Variants in PCSK6 observed in about 807,000 individuals in gnomAD.
The protein encoded by PCSK6 is proprotein convertase subtilisin/kexin type 6.
In PCSK6, 85 loss-of-function variants were observed where a neutral mutation model predicts 123.3. That is an observed-to-expected ratio of 0.69 (90% CI 0.58 to 0.83). PCSK6 has a LOEUF of 0.83. Among genes scored for constraint, PCSK6 ranks in the 40% least tolerant of loss-of-function variants. The pLI is 0.00. For synonymous variants in PCSK6, 508 were observed against 516.0 expected (o/e 0.98, Z 0.21); for missense variants, 1,191 against 1,282.3 (o/e 0.93, Z 1.09).
intron 7 of PCSK6, among the ~76,000 whole-genome samples, chr15:101,395,076 T>C (rs969209343): frequency 1.3e-5 from 2 of 152,208 alleles, no homozygotes; most frequent in African/African-American, 2.4e-5. Flanking sequence ...TCAAAAGGTA[T>C]TTAACCCATC....
At chr15:101,397,155 G>C (rs1016560812) in intron 7 of PCSK6, among the ~76,000 whole-genome samples, 1 of 152,102 alleles carries the variant, frequency 6.6e-6, no homozygotes, top group Non-Finnish European at 1.5e-5. Context: ...CAGGGCTAGG[G>C]GTCTCCTGAG....
chr15:101,429,112 CG>C (rs1327475830), intron 5 of PCSK6, among the ~76,000 whole-genome samples: 2 of 152,180 alleles, frequency 1.3e-5, no homozygotes, highest in African/African-American at 4.8e-5. Context: ...AGACTATAAT[CG>C]GGAGACGCCC....
At chr15:101,399,829 C>T (rs865942972) in intron 6 of PCSK6, among the ~76,000 whole-genome samples, 8 of 152,142 alleles carry the variant, frequency 5.3e-5, no homozygotes, top group African/African-American at 1.7e-4. Flanking sequence ...CACTCAGAGG[C>T]CCCCGGGAGC....
chr15:101,384,516 A>ACGT, intron 9 of PCSK6, 91 bp from the exon 10 acceptor site: 1 of 971,278 alleles, frequency 1.0e-6, no homozygotes, highest in South Asian at 1.6e-5. Context: ...CAGCCAACCC[A>ACGT]CGTCTGAACT....
chr15:101,353,766 G>T (rs12591632), intron 13 of PCSK6, among the ~76,000 whole-genome samples: 101,983 of 152,048 alleles, frequency 0.67, 34,312 homozygotes, highest in East Asian at 0.8. Flanking sequence ...TTGGAGAGGC[G>T]TGGAGACCTC....
intron 15 of PCSK6, 130 bp from the exon 16 acceptor site, chr15:101,326,609 G>A: frequency 1.2e-6 from 1 of 845,970 alleles, no homozygotes; most frequent in South Asian, 1.7e-5. Context: ...CGCTGGGGCT[G>A]GACGGCCAGA....
chr15:101,432,698 G>A (rs1226728027), intron 2 of PCSK6, among the ~76,000 whole-genome samples: 1 of 151,878 alleles, frequency 6.6e-6, no homozygotes, highest in Non-Finnish European at 1.5e-5. Context: ...AGGGAGAGAA[G>A]GAAGGAAGCC....
At position 101,489,518 on chromosome 15, in the gene PCSK6, C is replaced by G; in HGVS notation, c.153G>C (p.Trp51Cys). The change falls in exon 1 of 22, where the codon TGG becomes TGC. Residue 51 changes from tryptophan to cysteine, a missense_variant. Coordinates refer to ENST00000611716, the MANE Select transcript of PCSK6 (RefSeq NM_002570.5). ...FRPLAPRPWR[W>C]LLLLALPAAC... ...CGGCAGGCAGCGCCAGCAGCAGCAG[C>G]CAGCGCCAGGGACGCGGCGCGAGCG... The G allele has an allele frequency of 9.7e-7, 1 of 1,033,848 alleles. No homozygotes were observed. Among genetic ancestry groups the G allele is most frequent in the Non-Finnish European group, 1.2e-6 (1 of 863,676 alleles). The allele number at this position is 1,033,848 out of a possible 1,614,324, so 64.0% of individuals were successfully genotyped here.
intron 9 of PCSK6, among the ~76,000 whole-genome samples, chr15:101,386,744 A>C (rs1298863324): frequency 6.6e-6 from 1 of 152,292 alleles, no homozygotes; most frequent in African/African-American, 2.4e-5. Flanking sequence ...TCCATCATGG[A>C]CACTCGGGTT....
At chr15:101,418,291 A>G (rs1172603325) in intron 6 of PCSK6, among the ~76,000 whole-genome samples, 1 of 152,210 alleles carries the variant, frequency 6.6e-6, no homozygotes, top group Non-Finnish European at 1.5e-5. Context: ...ATTTCAGAGC[A>G]CAGGAAAAGA....
intron 7 of PCSK6, among the ~76,000 whole-genome samples, chr15:101,395,244 C>T (rs1266425719): frequency 1.3e-5 from 2 of 152,112 alleles, no homozygotes; most frequent in African/African-American, 4.8e-5. Context: ...ACAGTGCTCC[C>T]CAAACTTGAA....
At chr15:101,390,342 G>A (rs2042192726) in intron 8 of PCSK6, among the ~76,000 whole-genome samples, 1 of 19,164 alleles carries the variant, frequency 5.2e-5, no homozygotes, top group East Asian at 7.6e-4. Flanking sequence ...AGGTGTGCTA[G>A]GTGGGATTGT....
chr15:101,409,382 G>A (rs1205349394), intron 6 of PCSK6, among the ~76,000 whole-genome samples: 3 of 152,056 alleles, frequency 2.0e-5, no homozygotes, highest in African/African-American at 4.8e-5. Flanking sequence ...TCAGGAGATC[G>A]AGACCATCCT....
chr15:101,485,597 C>T (rs139410327), intron 1 of PCSK6, among the ~76,000 whole-genome samples: 1 of 152,292 alleles, frequency 6.6e-6, no homozygotes, highest in South Asian at 2.1e-4. Flanking sequence ...AATTGTTTTT[C>T]CATGGGGAGA....
At chr15:101,396,875 A>G (rs1035160910) in intron 7 of PCSK6, among the ~76,000 whole-genome samples, 22 of 151,944 alleles carry the variant, frequency 1.4e-4, no homozygotes, top group Admixed American at 1.1e-3. Flanking sequence ...TCCTTCTCAC[A>G]TTTAGTGTCT....
At chr15:101,476,518 T>G in intron 1 of PCSK6, among the ~76,000 whole-genome samples, 1 of 124,448 alleles carries the variant, frequency 8.0e-6, no homozygotes, top group African/African-American at 3.2e-5. Context: ...AAAACCTAGG[T>G]AGGTCCAAAA....
chr15:101,456,300 C>T (rs375598290), intron 1 of PCSK6, among the ~76,000 whole-genome samples: 1 of 152,200 alleles, frequency 6.6e-6, no homozygotes, highest in Admixed American at 6.5e-5. Flanking sequence ...CCCACAGTGA[C>T]GAGACTCTGT....
chr15:101,486,180 T>G (rs1030234459), intron 1 of PCSK6, among the ~76,000 whole-genome samples: 1 of 152,202 alleles, frequency 6.6e-6, no homozygotes, highest in South Asian at 2.1e-4. Context: ...GTCTGGCTGG[T>G]CTCGAACTCC....
At chr15:101,428,242 C>T in intron 5 of PCSK6, among the ~76,000 whole-genome samples, 1 of 152,192 alleles carries the variant, frequency 6.6e-6, no homozygotes, top group East Asian at 1.9e-4. Flanking sequence ...TCCCCTGACC[C>T]CCATGTGGGA....
Sources: gnomAD v4.1 joint callset for allele counts (sites outside exome capture counted in the v4.1 genomes callset) on GRCh38, gnomAD v4.1.1 for gene constraint, MANE v1.5 for transcripts, NCBI Gene and HGNC (gene_info 2026-07-23, HGNC 2026-07-21) for gene names.